The following ANO2 variants were observed in gnomAD, a reference collection of about 807,000 sequenced individuals.
The protein encoded by ANO2 is anoctamin 2, also known as anoctamin-2.
In ANO2, 101 loss-of-function variants were observed where a neutral mutation model predicts 124.2. That is an observed-to-expected ratio of 0.81 (90% confidence interval 0.69 to 0.96). The LOEUF is 0.96. ANO2 is among the 40% of genes least tolerant of loss of function. The pLI is 0.00. For missense variants in ANO2, 1,293 were observed against 1,274.5 expected (o/e 1.01, Z -0.22); for synonymous variants, 486 against 482.5 (o/e 1.01, Z -0.09).
chr12:5,867,723 G>C (rs1955463159), intron 3 of ANO2, among the ~76,000 whole-genome samples: 1 of 143,964 alleles, frequency 6.9e-6, no homozygotes, highest in Non-Finnish European at 1.5e-5. Flanking sequence ...TCTAGATCTT[G>C]GATGTGATGT....
At chr12:5,597,411 C>A (rs1490231665) in intron 20 of ANO2, among the ~76,000 whole-genome samples, 1 of 152,192 alleles carries the variant, frequency 6.6e-6, no homozygotes, top group Non-Finnish European at 1.5e-5. Context: ...CATCCATGTT[C>A]CTTCAAAGAA....
chr12:5,696,475 T>A (rs1433580355), intron 14 of ANO2, among the ~76,000 whole-genome samples: 2 of 152,050 alleles, frequency 1.3e-5, no homozygotes, highest in Non-Finnish European at 2.9e-5. Flanking sequence ...AAAAAAAGCC[T>A]GAAATTAAAA....
chr12:5,936,930 A>G (rs938281386), intron 1 of ANO2, among the ~76,000 whole-genome samples: 2 of 152,218 alleles, frequency 1.3e-5, no homozygotes, highest in Non-Finnish European at 2.9e-5. Context: ...TGGATGCAAC[A>G]TCATCAAAGC....
At chr12:5,838,419 T>A (rs1373774164) in intron 4 of ANO2, among the ~76,000 whole-genome samples, 2 of 152,164 alleles carry the variant, frequency 1.3e-5, no homozygotes, top group Non-Finnish European at 2.9e-5. Flanking sequence ...CAGACTTGTG[T>A]TGGAAGAAAT....
rs143216627 is a variant in ANO2, at chr12:5,700,752, G to T, written c.1545+31768C>A. ...ATAGAAGCAATAAAAAATGATAAAG[G>T]GGTTATCAGACTGCTGGCCTCAAGT... is the stretch of plus-strand genomic sequence containing the variant. On this transcript the variant is annotated intron_variant, in intron 14 of 24. Transcript: ENST00000682330. Among the ~76,000 whole-genome samples, 1,378 of 152,142 alleles carry T rather than the reference G, an allele frequency of 9.1e-3. 17 individuals are homozygous for T. The highest frequency in any genetic ancestry group is 0.03 in the South Asian group (146 of 4,826).
intron 15 of ANO2, among the ~76,000 whole-genome samples, chr12:5,645,006 C>A (rs1460657477): frequency 6.6e-6 from 1 of 152,066 alleles, no homozygotes; most frequent in Non-Finnish European, 1.5e-5. Flanking sequence ...GCCTTATATA[C>A]TCTATAATTT....
At chr12:5,817,705 G>A (rs192998346) in intron 7 of ANO2, among the ~76,000 whole-genome samples, 91 of 152,296 alleles carry the variant, frequency 6.0e-4, no homozygotes, top group African/African-American at 2.1e-3. Context: ...AGGAGAGAGA[G>A]AGGAGAGAAG....
chr12:5,822,396 A>G (rs961666368), intron 7 of ANO2, among the ~76,000 whole-genome samples: 1 of 152,138 alleles, frequency 6.6e-6, no homozygotes, highest in African/African-American at 2.4e-5. Context: ...GGACAGGATG[A>G]CCTATTCTGT....
chr12:5,757,772 G>T (rs1460735182), intron 10 of ANO2, among the ~76,000 whole-genome samples: 1 of 152,206 alleles, frequency 6.6e-6, no homozygotes, highest in Non-Finnish European at 1.5e-5. Context: ...TCCGTCCAGG[G>T]AAAACTGGGA....
At chr12:5,572,304 C>G (rs905908806) in intron 23 of ANO2, among the ~76,000 whole-genome samples, 2 of 152,150 alleles carry the variant, frequency 1.3e-5, no homozygotes, top group South Asian at 4.1e-4. Flanking sequence ...CTGACACACC[C>G]CTTGCTGCCC....
At chr12:5,784,334 G>T (rs1171578648) in intron 10 of ANO2, among the ~76,000 whole-genome samples, 12 of 152,170 alleles carry the variant, frequency 7.9e-5, no homozygotes, top group Non-Finnish European at 2.9e-5. Flanking sequence ...CATGCTGTTG[G>T]CTGACTTATC....
intron 20 of ANO2, chr12:5,584,132 C>G: frequency 1.2e-5 from 1 of 80,100 alleles, no homozygotes; most frequent in Middle Eastern, 2.1e-3. Flanking sequence ...TTAATGAACA[C>G]CCCCCCCCCG....
intron 4 of ANO2, among the ~76,000 whole-genome samples, chr12:5,840,404 T>C (rs1313922067): frequency 6.6e-6 from 1 of 152,106 alleles, no homozygotes; most frequent in Non-Finnish European, 1.5e-5. Context: ...TGAGGGCTGA[T>C]TTGTTTCCTT....
At chr12:5,748,504 A>G (rs1951335875) in intron 11 of ANO2, among the ~76,000 whole-genome samples, 1 of 152,218 alleles carries the variant, frequency 6.6e-6, no homozygotes, top group African/African-American at 2.4e-5. Flanking sequence ...GAGGCAACAG[A>G]GTTCAACTCC....
At chr12:5,793,634 T>C (rs1591624270) in intron 10 of ANO2, among the ~76,000 whole-genome samples, 1 of 152,208 alleles carries the variant, frequency 6.6e-6, no homozygotes, top group African/African-American at 2.4e-5. Context: ...GGGGAACTTG[T>C]GGAGCCTCTT....
chr12:5,850,133 G>T (rs1954829362), intron 4 of ANO2, among the ~76,000 whole-genome samples: 1 of 152,270 alleles, frequency 6.6e-6, no homozygotes, highest in South Asian at 2.1e-4. Flanking sequence ...AGAAGATCTG[G>T]GGCCGGGTGC....
chr12:5,606,038 G>A lies in ANO2; in HGVS notation c.2088-6409C>T, dbSNP rs962835003. 2.0e-5 allele frequency among the ~76,000 whole-genome samples: 3 copies of A among 152,180 alleles called. No individual in the cohort carries two copies. In the East Asian group the frequency reaches 5.8e-4, roughly 29 times the overall value. ...TTATCATGGCATTAGTCACAGAGCT[G>A]CCTTTCAAGTGCTCGGTGACCCCAT... On this transcript the variant is annotated intron_variant, in intron 19 of 24. Coordinates refer to ENST00000682330, the MANE Select transcript of ANO2 (RefSeq NM_001364791.2).
At chr12:5,637,289 A>G (rs1013039384) in intron 15 of ANO2, among the ~76,000 whole-genome samples, 2 of 151,822 alleles carry the variant, frequency 1.3e-5, no homozygotes, top group Non-Finnish European at 2.9e-5. Flanking sequence ...AAGACCAGTG[A>G]TGAAAGTATT....
intron 19 of ANO2, among the ~76,000 whole-genome samples, chr12:5,601,470 G>T (rs780340408): frequency 1.1e-4 from 16 of 152,142 alleles, no homozygotes; most frequent in Non-Finnish European, 2.2e-4. Flanking sequence ...GGAGCCTACA[G>T]ATTCTGAAGC....
Sources: allele counts gnomAD v4.1 joint callset (sites outside exome capture counted in the v4.1 genomes callset), GRCh38; gene constraint gnomAD v4.1.1; transcripts MANE v1.5; gene names NCBI Gene and HGNC (gene_info 2026-07-23, HGNC 2026-07-21).